Variants in GRID2 observed in about 807,000 individuals in gnomAD.
The protein encoded by GRID2 is glutamate receptor ionotropic, delta-2.
A neutral mutation model predicts 114.8 loss-of-function variants in GRID2; 33 were observed. The ratio of observed to expected loss-of-function variants is 0.29; its 90% CI spans 0.22 to 0.38. The LOEUF (loss-of-function observed/expected upper bound fraction) is 0.38, where lower values mean the gene tolerates loss of function less well. GRID2 is among the 10% of genes least tolerant of loss of function. The probability of loss-of-function intolerance (pLI) is 1.00; values close to 1 mark genes in which losing one functional copy is unlikely to be tolerated. For missense variants in GRID2, 1,184 were observed against 1,257.7 expected, an observed-to-expected ratio of 0.94 and a Z score of 0.89; for synonymous variants, 505 against 449.9, an observed-to-expected ratio of 1.12 and a Z score of -1.55.
Position 93,729,631 on chromosome 4 carries a change from C to T in GRID2, c.2361-39579C>T, listed in dbSNP as rs146271158. Among the ~76,000 whole-genome samples, 85 of 152,072 alleles carry T rather than the reference C, an allele frequency of 5.6e-4. 1 individual carries two copies. In the East Asian group the frequency reaches 0.016, roughly 29 times the overall value. On this transcript the variant is annotated intron_variant, in intron 14 of 15. Transcript: ENST00000282020. ...CACGATCTTGGCTCACTGCAATCTC[C>T]ACCTCCTAGGTTCAAGCGATTCTCC...
chr4:93,433,098 A>G (rs927496046), intron 10 of GRID2, among the ~76,000 whole-genome samples: 2 of 152,148 alleles, frequency 1.3e-5, no homozygotes, highest in Non-Finnish European at 2.9e-5. Context: ...CATTAACTGT[A>G]ACAAATGTAC....
At chr4:93,003,007 T>C (rs530223255) in intron 2 of GRID2, among the ~76,000 whole-genome samples, 2 of 152,016 alleles carry the variant, frequency 1.3e-5, no homozygotes, top group African/African-American at 4.8e-5. Context: ...TCTCTGCCTC[T>C]CTCTTATTAG....
At chr4:93,129,884 C>T (rs1734634728) in intron 4 of GRID2, among the ~76,000 whole-genome samples, 1 of 152,008 alleles carries the variant, frequency 6.6e-6, no homozygotes, top group Non-Finnish European at 1.5e-5. Context: ...AAGGTTGGAT[C>T]GTATTGTTCA....
intron 1 of GRID2, among the ~76,000 whole-genome samples, chr4:92,388,917 A>G (rs776582949): frequency 2.6e-5 from 4 of 152,116 alleles, no homozygotes; most frequent in Non-Finnish European, 4.4e-5. Flanking sequence ...TTTGTGGTCA[A>G]TGAAATGTGG....
chr4:93,349,017 C>T (rs1022424833), intron 8 of GRID2, among the ~76,000 whole-genome samples: 12 of 152,070 alleles, frequency 7.9e-5, no homozygotes, highest in Admixed American at 6.6e-4. Context: ...GCTGAAACTG[C>T]CTCTAAAAGC....
chr4:92,635,560 G>A (rs1048251300), intron 2 of GRID2, among the ~76,000 whole-genome samples: 1 of 151,782 alleles, frequency 6.6e-6, no homozygotes, highest in Non-Finnish European at 1.5e-5. Flanking sequence ...TTGAGCTATG[G>A]GAAATTATGG....
At chr4:92,682,554 G>A (rs571438745) in intron 2 of GRID2, among the ~76,000 whole-genome samples, 2 of 152,146 alleles carry the variant, frequency 1.3e-5, no homozygotes, top group South Asian at 4.2e-4. Context: ...CCCAGCCAAG[G>A]AAAAAAACTG....
chr4:92,843,449 G>T (rs927419223), intron 2 of GRID2, among the ~76,000 whole-genome samples: 1 of 151,932 alleles, frequency 6.6e-6, no homozygotes, highest in African/African-American at 2.4e-5. Context: ...GATGTCTGCT[G>T]TATCTGAAAT....
intron 1 of GRID2, among the ~76,000 whole-genome samples, chr4:92,539,184 T>G (rs1392035638): frequency 1.3e-5 from 2 of 152,168 alleles, no homozygotes; most frequent in Non-Finnish European, 2.9e-5. Flanking sequence ...GCTTATTTCT[T>G]GAGATAGATA....
chr4:92,494,493 G>A (rs1337035207), intron 1 of GRID2, among the ~76,000 whole-genome samples: 2 of 151,916 alleles, frequency 1.3e-5, no homozygotes, highest in East Asian at 3.9e-4. Context: ...AAATAATATT[G>A]TTTTGATAAT....
intron 14 of GRID2, among the ~76,000 whole-genome samples, chr4:93,646,025 T>G (rs1021479102): frequency 6.6e-6 from 1 of 152,202 alleles, no homozygotes; most frequent in Admixed American, 6.5e-5. Flanking sequence ...ATTCATTCAA[T>G]CAGTAAATAT....
intron 3 of GRID2, among the ~76,000 whole-genome samples, chr4:93,090,035 G>T (rs968719402): frequency 1.3e-5 from 2 of 152,110 alleles, no homozygotes; most frequent in African/African-American, 4.8e-5. Context: ...TAACACAGGA[G>T]ACCTATGGAG....
At chr4:92,947,496 A>G (rs899736786) in intron 2 of GRID2, among the ~76,000 whole-genome samples, 1 of 151,972 alleles carries the variant, frequency 6.6e-6, no homozygotes, top group Non-Finnish European at 1.5e-5. Context: ...ATAAATTATA[A>G]AGGGATTTTT....
At chr4:92,517,583 C>G (rs887349460) in intron 1 of GRID2, among the ~76,000 whole-genome samples, 1 of 151,964 alleles carries the variant, frequency 6.6e-6, no homozygotes, top group East Asian at 1.9e-4. Flanking sequence ...CGTATATGAA[C>G]AAGGTCAGTC....
chr4:93,115,574 T>C (rs1186400837), intron 4 of GRID2, among the ~76,000 whole-genome samples: 1 of 152,120 alleles, frequency 6.6e-6, no homozygotes, highest in Admixed American at 6.6e-5. Context: ...CCTTGGTAAA[T>C]GTATTAGTCC....
intron 4 of GRID2, among the ~76,000 whole-genome samples, chr4:93,194,321 A>G (rs1012713529): frequency 1.3e-5 from 2 of 152,218 alleles, no homozygotes; most frequent in South Asian, 4.1e-4. Context: ...ATTTGTGCAA[A>G]GCTATAATTT....
intron 1 of GRID2, among the ~76,000 whole-genome samples, chr4:92,467,770 A>G (rs1479227464): frequency 6.6e-6 from 1 of 152,082 alleles, no homozygotes; most frequent in Non-Finnish European, 1.5e-5. Context: ...TGCAGTGATC[A>G]ATGAAAGAAT....
intron 8 of GRID2, among the ~76,000 whole-genome samples, chr4:93,270,731 T>C (rs10026723): frequency 0.71 from 108,547 of 151,956 alleles, 39,652 homozygotes; most frequent in African/African-American, 0.86. Context: ...CAGATTCAAG[T>C]GATTCTCCTG....
chr4:92,408,990 G>A (rs533550904), intron 1 of GRID2, among the ~76,000 whole-genome samples: 56 of 152,116 alleles, frequency 3.7e-4, no homozygotes, highest in African/African-American at 1.3e-3. Context: ...GTTCCTGCTA[G>A]GACTTCCAGT....
Sources: allele counts gnomAD v4.1 joint callset (sites outside exome capture counted in the v4.1 genomes callset), GRCh38; gene constraint gnomAD v4.1.1; transcripts MANE v1.5; gene names NCBI Gene and HGNC (gene_info 2026-07-23, HGNC 2026-07-21).